PCDH9: variants seen among roughly 807,000 people sequenced by gnomAD.
PCDH9 encodes protocadherin 9, also known as protocadherin-9.
In PCDH9, 24 loss-of-function variants were observed where a neutral mutation model predicts 70.6. The observed-to-expected ratio is 0.34, with a 90% confidence interval of 0.25 to 0.48. The LOEUF is 0.48. Ranked by LOEUF, PCDH9 falls within the 20% of genes least tolerant of loss-of-function variation. PCDH9 has a pLI of 0.99. For missense variants in PCDH9, 1,281 were observed against 1,503.6 expected, an observed-to-expected ratio of 0.85 and a Z score of 2.45; for synonymous variants, 562 against 558.5, an observed-to-expected ratio of 1.01 and a Z score of -0.09.
At chr13:66,934,671 T>G (rs375521487) in intron 2 of PCDH9, among the ~76,000 whole-genome samples, 1 of 148,978 alleles carries the variant, frequency 6.7e-6, no homozygotes, top group African/African-American at 2.4e-5. Context: ...GAAGATAACA[T>G]TTCCTTTTGA....
chr13:66,561,133 T>G (rs566756206), intron 4 of PCDH9, among the ~76,000 whole-genome samples: 86 of 152,330 alleles, frequency 5.6e-4, no homozygotes, highest in African/African-American at 2.0e-3. Context: ...CGGGTGGCCG[T>G]GTGCTGGGCA....
intron 4 of PCDH9, among the ~76,000 whole-genome samples, chr13:66,488,424 T>C (rs1958980912): frequency 6.6e-6 from 1 of 152,196 alleles, no homozygotes; most frequent in Non-Finnish European, 1.5e-5. Context: ...TCAAATGCAA[T>C]TGGTATTACA....
At chr13:66,415,273 A>C (rs1957442656) in intron 4 of PCDH9, among the ~76,000 whole-genome samples, 1 of 152,202 alleles carries the variant, frequency 6.6e-6, no homozygotes, top group Non-Finnish European at 1.5e-5. Flanking sequence ...TATTCAAAAG[A>C]AAATAGCCGT....
intron 3 of PCDH9, among the ~76,000 whole-genome samples, chr13:66,743,800 T>C (rs1366927541): frequency 1.3e-5 from 2 of 152,020 alleles, no homozygotes; most frequent in African/African-American, 2.4e-5. Flanking sequence ...AGTTAAAAAA[T>C]TGAAAATAAT....
chr13:66,526,057 C>T (rs1286836316), intron 4 of PCDH9, among the ~76,000 whole-genome samples: 1 of 152,048 alleles, frequency 6.6e-6, no homozygotes, highest in Non-Finnish European at 1.5e-5. Flanking sequence ...TCATTCCTTG[C>T]TACATTCTTA....
At chr13:66,750,608 G>A (rs961446141) in intron 3 of PCDH9, among the ~76,000 whole-genome samples, 4 of 151,800 alleles carry the variant, frequency 2.6e-5, no homozygotes, top group Admixed American at 2.6e-4. Context: ...AATCATAAAA[G>A]CATAAATTAG....
chr13:67,082,920 C>A (rs911712298), intron 2 of PCDH9, among the ~76,000 whole-genome samples: 3 of 152,008 alleles, frequency 2.0e-5, no homozygotes, highest in African/African-American at 7.2e-5. Context: ...TCTTTTCTGA[C>A]ATTGATTCTA....
intron 3 of PCDH9, among the ~76,000 whole-genome samples, chr13:66,678,869 G>T (rs2078279211): frequency 6.6e-6 from 1 of 151,714 alleles, no homozygotes; most frequent in Non-Finnish European, 1.5e-5. Context: ...ATGTTCTTTT[G>T]CAAGAAAGAA....
At chr13:66,993,903 G>A (rs1566348490) in intron 2 of PCDH9, among the ~76,000 whole-genome samples, 1 of 152,190 alleles carries the variant, frequency 6.6e-6, no homozygotes, top group African/African-American at 2.4e-5. Context: ...TGCATCAGCC[G>A]AGATCTAGTT....
chr13:67,176,573 A>G (rs1033351546), intron 2 of PCDH9, among the ~76,000 whole-genome samples: 1 of 152,172 alleles, frequency 6.6e-6, no homozygotes, highest in Admixed American at 6.6e-5. Context: ...ATATTTAGAA[A>G]TGCTTCAGCT....
intron 3 of PCDH9, among the ~76,000 whole-genome samples, chr13:66,679,799 T>C (rs1438809659): frequency 2.0e-5 from 3 of 151,912 alleles, no homozygotes; most frequent in Non-Finnish European, 4.4e-5. Context: ...AATTTTTATA[T>C]GCAAATGCTT....
intron 4 of PCDH9, among the ~76,000 whole-genome samples, chr13:66,602,091 T>A (rs1359358049): frequency 1.4e-5 from 2 of 146,444 alleles, no homozygotes; most frequent in African/African-American, 4.9e-5. Context: ...CAGGTATTAG[T>A]GTAGAACAGG....
chr13:66,412,925 C>T (rs1347347744), intron 4 of PCDH9, among the ~76,000 whole-genome samples: 1 of 152,190 alleles, frequency 6.6e-6, no homozygotes, highest in Non-Finnish European at 1.5e-5. Flanking sequence ...CAAGCACACA[C>T]AGGGAATATG....
At position 67,103,966 on chromosome 13, in the gene PCDH9, G is replaced by A. The variant is rs79890127; in HGVS notation, c.3036+121439C>T. ...AAAGTAACATCAGGAATTTCAAGAT[G>A]GTCAGATACCCTTAAATAATAAGTA... On this transcript the variant is annotated intron_variant, in intron 2 of 4. Transcript: ENST00000377865. 1.8e-3 allele frequency among the ~76,000 whole-genome samples: 278 copies of A among 152,182 alleles called. 6 individuals carry two copies. The East Asian group carries it at 0.05, about 27-fold the overall frequency.
intron 4 of PCDH9, among the ~76,000 whole-genome samples, chr13:66,399,738 G>GA (rs959712743): frequency 1.0e-4 from 15 of 149,736 alleles, no homozygotes; most frequent in South Asian, 6.4e-4. Context: ...CAAAAAAAAA[G>GA]AAAAAAAAGG....
At chr13:67,223,422 A>G (rs2089777816) in intron 2 of PCDH9, 1 of 152,186 alleles carries the variant, frequency 6.6e-6, no homozygotes, top group Admixed American at 6.5e-5. Context: ...TTCTTTGGAA[A>G]GAAAATGTCA....
intron 4 of PCDH9, among the ~76,000 whole-genome samples, chr13:66,515,948 C>A (rs898497492): frequency 1.3e-5 from 2 of 151,928 alleles, no homozygotes; most frequent in Non-Finnish European, 2.9e-5. Flanking sequence ...GATGACTTTA[C>A]CACATTTACA....
chr13:67,096,437 AAG>A (rs777103389), intron 2 of PCDH9, among the ~76,000 whole-genome samples: 4 of 152,176 alleles, frequency 2.6e-5, no homozygotes, highest in Non-Finnish European at 5.9e-5. Context: ...TAAGAGTAGA[AAG>A]AGAGGAAAAT....
At chr13:66,981,595 TATTA>T (rs1198088945) in intron 2 of PCDH9, among the ~76,000 whole-genome samples, 7 of 152,054 alleles carry the variant, frequency 4.6e-5, no homozygotes, top group African/African-American at 1.7e-4. Context: ...TATTAGATCC[TATTA>T]ATTATACAAT....
Sources: gnomAD v4.1 joint callset for allele counts (sites outside exome capture counted in the v4.1 genomes callset) on GRCh38, gnomAD v4.1.1 for gene constraint, MANE v1.5 for transcripts, NCBI Gene and HGNC (gene_info 2026-07-23, HGNC 2026-07-21) for gene names.